Variants in MAP4K4 observed in about 807,000 individuals in gnomAD.
MAP4K4 encodes the protein mitogen-activated protein kinase kinase kinase kinase 4.
A neutral mutation model predicts 189.6 loss-of-function variants in MAP4K4; 38 were observed. The ratio of observed to expected loss-of-function variants is 0.20; its 90% CI spans 0.15 to 0.26. The LOEUF (loss-of-function observed/expected upper bound fraction) is 0.26, where lower values mean the gene tolerates loss of function less well. Ranked by LOEUF, MAP4K4 falls within the 10% of genes least tolerant of loss-of-function variation. The probability of loss-of-function intolerance (pLI) is 1.00; values close to 1 mark genes in which losing one functional copy is unlikely to be tolerated. For synonymous variants in MAP4K4, 610 were observed against 624.3 expected, an observed-to-expected ratio of 0.98 and a Z score of 0.34; for missense variants, 1,054 against 1,726.9, an observed-to-expected ratio of 0.61 and a Z score of 6.91.
rs938721401 is a variant in MAP4K4 at position 101,869,804 on chromosome 2, C to A, written c.2639+7C>A. The A allele has an allele frequency of 1.9e-6, 3 of 1,539,520 alleles. No homozygotes were observed. The highest frequency in any genetic ancestry group is 2.6e-6 in the Non-Finnish European group (3 of 1,142,262). ...CAGAGGACACCAGAGCAGCGTCAGT[C>A]CCCGGTCTCTTTTAGAGCGGATGAG... On this transcript the variant is annotated splice_region_variant and intron_variant, in intron 22 of 32. Transcript: ENST00000324219.
intron 3 of MAP4K4, among the ~76,000 whole-genome samples, chr2:101,822,077 C>A (rs1013507112): frequency 6.6e-5 from 10 of 152,240 alleles, no homozygotes; most frequent in African/African-American, 2.4e-4. Flanking sequence ...CTTAGGGATA[C>A]CTCTTGAAGG....
intron 2 of MAP4K4, among the ~76,000 whole-genome samples, chr2:101,779,006 T>C (rs911089021): frequency 3.9e-5 from 6 of 152,178 alleles, no homozygotes; most frequent in African/African-American, 1.4e-4. Context: ...AAAATAGGGA[T>C]GTTTTTCTTC....
intron 3 of MAP4K4, among the ~76,000 whole-genome samples, chr2:101,802,790 C>T (rs986267225): frequency 2.0e-5 from 3 of 151,824 alleles, no homozygotes; most frequent in Non-Finnish European, 4.4e-5. Flanking sequence ...TGATCTTTGT[C>T]TGTTTTTTTT....
At chr2:101,871,949 T>A (rs1026609781) in intron 24 of MAP4K4, among the ~76,000 whole-genome samples, 1 of 152,380 alleles carries the variant, frequency 6.6e-6, no homozygotes, top group Middle Eastern at 3.4e-3. Context: ...TTATCTAGTT[T>A]ATTTTTTAAA....
At chr2:101,891,053 G>T (rs1284286132) in intron 32 of MAP4K4, 113 bp from the exon 33 acceptor site, 1 of 798,732 alleles carries the variant, frequency 1.3e-6, no homozygotes. Flanking sequence ...GGCTCTTTGG[G>T]AGTCTAAGCT....
At chr2:101,748,283 A>T (rs1235262961) in intron 2 of MAP4K4, among the ~76,000 whole-genome samples, 1 of 152,236 alleles carries the variant, frequency 6.6e-6, no homozygotes, top group Non-Finnish European at 1.5e-5. Flanking sequence ...ACATCTTCAA[A>T]AAAGTGTGTG....
chr2:101,788,328 G>A, intron 2 of MAP4K4, among the ~76,000 whole-genome samples: 1 of 152,192 alleles, frequency 6.6e-6, no homozygotes, highest in East Asian at 1.9e-4. Flanking sequence ...CAGGGCTAGG[G>A]CCTTATAGAC....
At chr2:101,802,373 C>A (rs1434990651) in intron 3 of MAP4K4, among the ~76,000 whole-genome samples, 3 of 152,190 alleles carry the variant, frequency 2.0e-5, no homozygotes, top group African/African-American at 7.2e-5. Context: ...TCATAGGCTG[C>A]TTTCTTAGCT....
chr2:101,869,064 A>C (rs2097904382), intron 21 of MAP4K4, among the ~76,000 whole-genome samples: 1 of 151,988 alleles, frequency 6.6e-6, no homozygotes, highest in Admixed American at 6.5e-5. Flanking sequence ...TAAAATGTTG[A>C]TTTTAGTAAA....
intron 11 of MAP4K4, 82 bp downstream of exon 11, chr2:101,842,763 G>C: frequency 1.0e-6 from 1 of 996,556 alleles, no homozygotes; most frequent in South Asian, 1.6e-5. Flanking sequence ...GAAGACTCCT[G>C]TGTGGTACAA....
intron 28 of MAP4K4, among the ~76,000 whole-genome samples, chr2:101,883,556 C>T (rs2098439051): frequency 6.6e-6 from 1 of 152,162 alleles, no homozygotes; most frequent in South Asian, 2.1e-4. Context: ...TAATGTTAGA[C>T]ATACGGGAGA....
At chr2:101,829,411 G>T (rs936689756) in intron 5 of MAP4K4, 93 bp from the exon 6 acceptor site, 3 of 780,296 alleles carry the variant, frequency 3.8e-6, no homozygotes, top group Non-Finnish European at 4.4e-6. Context: ...AACACCTTTG[G>T]TCCACATGTG....
intron 20 of MAP4K4, chr2:101,867,649 G>A (rs911858630): frequency 1.8e-5 from 6 of 337,366 alleles, no homozygotes; most frequent in Non-Finnish European, 2.7e-5. Context: ...AAATACAAAA[G>A]AAAGAAAAGC....
chr2:101,879,886 C>G (rs183947275), intron 27 of MAP4K4, among the ~76,000 whole-genome samples: 3 of 141,210 alleles, frequency 2.1e-5, no homozygotes, highest in Non-Finnish European at 4.6e-5. Flanking sequence ...CAGTATTTTG[C>G]AGTTTAGCCA....
At chr2:101,832,616 G>A (rs1048118164) in intron 7 of MAP4K4, among the ~76,000 whole-genome samples, 7 of 152,028 alleles carry the variant, frequency 4.6e-5, no homozygotes, top group Non-Finnish European at 7.4e-5. Flanking sequence ...ACTCTTTACT[G>A]TGTCATTACT....
At chr2:101,880,861 G>T (rs2098367118) in intron 27 of MAP4K4, among the ~76,000 whole-genome samples, 1 of 151,970 alleles carries the variant, frequency 6.6e-6, no homozygotes, top group Non-Finnish European at 1.5e-5. Flanking sequence ...GTCTCTTTTT[G>T]TGCTAATAAC....
At chr2:101,798,614 T>C (rs1334502973) in intron 3 of MAP4K4, among the ~76,000 whole-genome samples, 1 of 152,218 alleles carries the variant, frequency 6.6e-6, no homozygotes, top group Non-Finnish European at 1.5e-5. Context: ...CCCAGTTCAC[T>C]ACAGGAGTAT....
chr2:101,744,651 G>A (rs921632744), intron 2 of MAP4K4, among the ~76,000 whole-genome samples: 28 of 152,004 alleles, frequency 1.8e-4, no homozygotes, highest in South Asian at 2.1e-4. Context: ...GGTCCTAGGC[G>A]AGTTGGGCTT....
At chr2:101,708,324 C>A (rs2043497686) in intron 2 of MAP4K4, among the ~76,000 whole-genome samples, 1 of 151,966 alleles carries the variant, frequency 6.6e-6, no homozygotes, top group African/African-American at 2.4e-5. Context: ...ATAACAATAC[C>A]AACAGAACAA....
Sources: gnomAD v4.1 joint callset for allele counts (sites outside exome capture counted in the v4.1 genomes callset) on GRCh38, gnomAD v4.1.1 for gene constraint, MANE v1.5 for transcripts, NCBI Gene and HGNC (gene_info 2026-07-23, HGNC 2026-07-21) for gene names.